The following DRD3 variants were observed in gnomAD, a reference collection of about 807,000 sequenced individuals.
The protein encoded by DRD3 is D(3) dopamine receptor.
A neutral mutation model predicts 36.3 loss-of-function variants in DRD3; 19 were observed. That is an observed-to-expected ratio of 0.52 (90% CI 0.36 to 0.77). The LOEUF (loss-of-function observed/expected upper bound fraction) is 0.77. Among genes scored for constraint, DRD3 ranks in the 30% least tolerant of loss-of-function variants. The pLI is 0.00. For missense variants in DRD3, 465 were observed against 505.3 expected, an observed-to-expected ratio of 0.92 and a Z score of 0.77; for synonymous variants, 195 against 203.7, an observed-to-expected ratio of 0.96 and a Z score of 0.36.
intron 2 of DRD3, among the ~76,000 whole-genome samples, chr3:114,160,975 T>G (rs557984355): frequency 1.3e-5 from 2 of 152,254 alleles, no homozygotes. Flanking sequence ...TACTCTAGTA[T>G]ATTTCTATTT....
chr3:114,166,088 C>T (rs1239379707), intron 2 of DRD3, among the ~76,000 whole-genome samples: 2 of 150,636 alleles, frequency 1.3e-5, no homozygotes, highest in African/African-American at 2.4e-5. Flanking sequence ...CGGGTTCAAG[C>T]GATTCTTCTG....
rs180684888 is a variant in DRD3 at position 114,178,638 on chromosome 3, G to A, written c.-36+19C>T. The A allele has an allele frequency of 2.8e-3, 421 of 152,100 alleles. 3 individuals carry two copies. Among genetic ancestry groups the A allele is most frequent in the African/African-American group, 9.8e-3 (406 of 41,512 alleles). The allele number at this position is 152,100 out of a possible 1,614,324, so 9.4% of individuals were successfully genotyped here. The stretch of plus-strand genomic sequence containing the variant: ...AAATACTATGTCCTAAATTAGAAAC[G>A]AAAAGAAAAATTACTTACCCTAAAA... On this transcript the variant is annotated intron_variant, in intron 1 of 6. Coordinates refer to ENST00000383673, the MANE Select transcript of DRD3 (RefSeq NM_000796.6).
At chr3:114,194,450 T>G (rs992915147) in intron 1 of DRD3, among the ~76,000 whole-genome samples, 1 of 152,022 alleles carries the variant, frequency 6.6e-6, no homozygotes, top group South Asian at 2.1e-4. Flanking sequence ...GCCCGGCTAA[T>G]TTTTGTATTT....
chr3:114,198,539 A>G (rs1245243996), intron 1 of DRD3, among the ~76,000 whole-genome samples: 1 of 152,064 alleles, frequency 6.6e-6, no homozygotes, highest in African/African-American at 2.4e-5. Flanking sequence ...ATTTAGTTCT[A>G]GTAGGATTTT....
At chr3:114,158,980 A>C (rs1195503747) in intron 3 of DRD3, among the ~76,000 whole-genome samples, 2 of 152,016 alleles carry the variant, frequency 1.3e-5, no homozygotes, top group Non-Finnish European at 2.9e-5. Context: ...GTCCCAGGGG[A>C]GCCAGGCAAA....
chr3:114,131,506 G>C (rs1280936587), intron 5 of DRD3, 106 bp from the exon 6 acceptor site: 11 of 1,427,060 alleles, frequency 7.7e-6, no homozygotes, highest in Non-Finnish European at 1.0e-5. Context: ...CGGCAACACA[G>C]TTGTGGGAAA....
At position 114,135,304 on chromosome 3, in the gene DRD3, C is replaced by G. The variant is rs1466310525; in HGVS notation, c.724-3904G>C. Reference sequence around the variant, plus strand: ...GCAAGCTCCGCTTCCCGGGTTCGCGCCATTCTCCTGCCTCAGCCTCCCGAG... The same window carrying G: ...GCAAGCTCCGCTTCCCGGGTTCGCGGCATTCTCCTGCCTCAGCCTCCCGAG... On this transcript the variant is annotated intron_variant, in intron 5 of 6. Coordinates refer to ENST00000383673, the MANE Select transcript of DRD3 (RefSeq NM_000796.6). Among the ~76,000 whole-genome samples, 6 of 5,604 alleles carry G rather than the reference C, an allele frequency of 1.1e-3. 3 individuals carry two copies. Among genetic ancestry groups the G allele is most frequent in the African/African-American group, 1.2e-3 (6 of 5,114 alleles). 3.7% of individuals were successfully genotyped at this position (5,604 alleles called of 152,430 possible).
chr3:114,129,929 A>C (rs2077414044), intron 6 of DRD3, among the ~76,000 whole-genome samples: 1 of 151,960 alleles, frequency 6.6e-6, no homozygotes, highest in African/African-American at 2.4e-5. Context: ...GTGGTAGCGC[A>C]TGCCTGTAAT....
At chr3:114,175,350 ATGAC>A (rs111470495) in intron 1 of DRD3, among the ~76,000 whole-genome samples, 28 of 152,314 alleles carry the variant, frequency 1.8e-4, no homozygotes, top group African/African-American at 6.7e-4. Flanking sequence ...CTTGGAAATG[ATGAC>A]TGACATTCAT....
At chr3:114,156,119 G>A (rs529127927) in intron 3 of DRD3, among the ~76,000 whole-genome samples, 44 of 152,246 alleles carry the variant, frequency 2.9e-4, no homozygotes, top group South Asian at 1.4e-3. Flanking sequence ...ACTTCTTAGA[G>A]TATTTAAGGA....
chr3:114,197,354 C>T (rs1009179127), intron 1 of DRD3, among the ~76,000 whole-genome samples: 1 of 139,254 alleles, frequency 7.2e-6, no homozygotes, highest in Admixed American at 7.9e-5. Context: ...CTCCTGGCCT[C>T]AAACAATCTC....
intron 1 of DRD3, among the ~76,000 whole-genome samples, chr3:114,197,922 G>A (rs76617938): frequency 0.056 from 8,468 of 152,028 alleles, 272 homozygotes; most frequent in Middle Eastern, 0.078. Flanking sequence ...GGCTATTCTC[G>A]TTCCTTAATA....
At chr3:114,193,502 C>T (rs1006133812) in intron 1 of DRD3, among the ~76,000 whole-genome samples, 3 of 152,182 alleles carry the variant, frequency 2.0e-5, no homozygotes, top group Admixed American at 1.3e-4. Flanking sequence ...GGCTCCCTCT[C>T]CCTGCTTCTC....
chr3:114,181,734 C>T (rs1158133868), upstream of DRD3, among the ~76,000 whole-genome samples: 3 of 152,180 alleles, frequency 2.0e-5, no homozygotes, highest in Non-Finnish European at 4.4e-5. Context: ...AGATGGTGGG[C>T]TTCTGATACA....
At chr3:114,196,305 T>G (rs543381818) in intron 1 of DRD3, among the ~76,000 whole-genome samples, 1 of 152,302 alleles carries the variant, frequency 6.6e-6, no homozygotes, top group Non-Finnish European at 1.5e-5. Context: ...TTTTACTTTA[T>G]TTCTACTTTT....
At chr3:114,178,110 C>T (rs982930999) in intron 1 of DRD3, among the ~76,000 whole-genome samples, 3 of 152,128 alleles carry the variant, frequency 2.0e-5, no homozygotes, top group African/African-American at 7.2e-5. Context: ...TAACAATACC[C>T]TAAAAATCAT....
At chr3:114,143,404 A>G (rs187375318) in intron 4 of DRD3, among the ~76,000 whole-genome samples, 5 of 152,338 alleles carry the variant, frequency 3.3e-5, no homozygotes, top group African/African-American at 1.2e-4. Context: ...TTTGTGGAGT[A>G]CGTACTATGT....
At chr3:114,174,965 T>A (rs930413167) in intron 1 of DRD3, among the ~76,000 whole-genome samples, 4 of 152,160 alleles carry the variant, frequency 2.6e-5, no homozygotes, top group Non-Finnish European at 2.9e-5. Context: ...GATAATCATA[T>A]CCATTCCATA....
chr3:114,136,971 G>A (rs537221691), intron 5 of DRD3, among the ~76,000 whole-genome samples: 68 of 152,298 alleles, frequency 4.5e-4, no homozygotes, highest in African/African-American at 1.5e-3. Flanking sequence ...TAATGCAGGT[G>A]GCCTTGGATG....
Sources: gnomAD v4.1 joint callset for allele counts (sites outside exome capture counted in the v4.1 genomes callset) on GRCh38, gnomAD v4.1.1 for gene constraint, MANE v1.5 for transcripts, NCBI Gene and HGNC (gene_info 2026-07-23, HGNC 2026-07-21) for gene names.